The following CARD8 variants were observed in gnomAD, a reference collection of about 807,000 sequenced individuals.
The protein encoded by CARD8 is caspase recruitment domain-containing protein 8.
Under a neutral mutation model 53.2 loss-of-function variants are expected in CARD8, and 38 were observed. The ratio of observed to expected loss-of-function variants is 0.71; its 90% CI spans 0.55 to 0.94. The LOEUF is 0.94. Among genes scored for constraint, CARD8 ranks in the 40% least tolerant of loss-of-function variants. CARD8 has a pLI of 0.00. For synonymous variants in CARD8, 245 were observed against 244.9 expected, an observed-to-expected ratio of 1.00 and a Z score of 0.00; for missense variants, 561 against 655.5, an observed-to-expected ratio of 0.86 and a Z score of 1.57.
chr19:48,215,382 C>G lies in CARD8; in HGVS notation c.1306G>C (p.Asp436His), dbSNP rs767149939. Residue 436 changes from aspartate to histidine, a missense_variant and splice_region_variant, in exon 13 of 14, where the codon GAT becomes CAT. Transcript: ENST00000651546. ...GCTGATGCAGCTACAAGCTGGAGAT[C>G]CACTACAAAAGAGGGAAAAATTATA... ...LVWDTEVKPV[D>H]LQLVAASAPP... The G allele has an allele frequency of 6.2e-7, 1 of 1,608,668 alleles. No homozygotes were observed. Among genetic ancestry groups the G allele is most frequent in the Admixed American group, 1.7e-5 (1 of 59,986 alleles).
downstream of CARD8, chr19:48,203,766 C>T (rs7247398): frequency 0.029 from 4,954 of 168,376 alleles, 264 homozygotes; most frequent in African/African-American, 0.11. Flanking sequence ...CAGAACTAGC[C>T]CTTCCCGATG....
In CARD8 at chr19:48,210,743, GA is replaced by G. The variant is rs777864164; in HGVS notation, c.*966del. ...ATCTTCCAGTTAAAAGAGACTATCAGAATGGGTTCAAAATACACCATAAAAA... is the reference window on the plus strand; with the variant it reads ...ATCTTCCAGTTAAAAGAGACTATCAGATGGGTTCAAAATACACCATAAAAA... On this transcript the variant is annotated 3_prime_UTR_variant, in exon 14 of 14. Coordinates refer to ENST00000651546, the MANE Select transcript of CARD8 (RefSeq NM_001184900.3). 2.6e-5 allele frequency: 4 copies of G among 152,114 alleles called. No homozygotes were observed. Among genetic ancestry groups the G allele is most frequent in the Non-Finnish European group, 4.4e-5 (3 of 68,008 alleles). The allele number at this position is 152,114 out of a possible 1,614,324, so 9.4% of individuals were successfully genotyped here.
rs1599997347 is a variant in CARD8 at position 48,209,609 on chromosome 19, G to C, written c.*2101C>G. ...TAAAAGTCTAACATTTCCACAATAA[G>C]AGTCTCAGAAGAGGAGGAAAAAAAC... On this transcript the variant is annotated 3_prime_UTR_variant, in exon 14 of 14. Coordinates refer to ENST00000651546, the MANE Select transcript of CARD8 (RefSeq NM_001184900.3). The C allele has an allele frequency of 6.6e-6, 1 of 152,140 alleles. No individual in the cohort carries two copies. Among genetic ancestry groups the C allele is most frequent in the East Asian group, 1.9e-4 (1 of 5,200 alleles). The allele number at this position is 152,140 out of a possible 1,614,324, so 9.4% of individuals were successfully genotyped here.
At chr19:48,232,541 A>G in intron 6 of CARD8, 48 bp from the exon 7 acceptor site, 1 of 1,449,260 alleles carries the variant, frequency 6.9e-7, no homozygotes, top group African/African-American at 1.4e-5. Context: ...AACATCAAGA[A>G]TCAGTTGATG....
At chr19:48,222,419 G>A (rs1037442916) in intron 10 of CARD8, among the ~76,000 whole-genome samples, 5 of 152,192 alleles carry the variant, frequency 3.3e-5, no homozygotes, top group South Asian at 2.1e-4. Context: ...AGCCAGGCAC[G>A]GTGGTTCACA....
chr19:48,224,202 C>T (rs757226507), intron 10 of CARD8, among the ~76,000 whole-genome samples: 2 of 152,094 alleles, frequency 1.3e-5, no homozygotes, highest in African/African-American at 4.8e-5. Context: ...CCTCAAGATC[C>T]GCCCACCTCG....
intron 1 of CARD8, among the ~76,000 whole-genome samples, chr19:48,255,173 C>G (rs546087575): frequency 4.6e-5 from 7 of 152,310 alleles, no homozygotes; most frequent in Non-Finnish European, 2.9e-5. Context: ...GGAGACCATC[C>G]TGGCCAACAT....
In CARD8 at chr19:48,227,086, T is replaced by TC. The variant is rs2041930479; in HGVS notation, c.1035+3351dup. On this transcript the variant is annotated intron_variant, in intron 10 of 13. Coordinates refer to ENST00000651546, the MANE Select transcript of CARD8 (RefSeq NM_001184900.3). ...CCTGGTGACACAGCAAGACTCCGTCTCAAAAAAAAAAAAAAAGAAAGAAAA... is the reference window on the plus strand; with the variant it reads ...CCTGGTGACACAGCAAGACTCCGTCTCCAAAAAAAAAAAAAAAGAAAGAAAA... Among the ~76,000 whole-genome samples, 3 of 90,456 alleles carry TC rather than the reference T, an allele frequency of 3.3e-5. No homozygotes were observed. In the East Asian group the frequency reaches 8.2e-4, roughly 25 times the overall value. 59.3% of individuals were successfully genotyped at this position (90,456 alleles called of 152,430 possible).
At chr19:48,229,381 A>T (rs1002851822) in intron 10 of CARD8, among the ~76,000 whole-genome samples, 5 of 152,244 alleles carry the variant, frequency 3.3e-5, no homozygotes, top group African/African-American at 1.2e-4. Context: ...CTCAGAATGA[A>T]AACAGAAGTT....
intron 3 of CARD8, among the ~76,000 whole-genome samples, chr19:48,241,785 G>A (rs968213606): frequency 2.6e-5 from 4 of 151,990 alleles, no homozygotes; most frequent in Non-Finnish European, 5.9e-5. Context: ...TACCTTCACC[G>A]GCTCTGCTAT....
chr19:48,208,437 G>A lies in CARD8; in HGVS notation c.*3273C>T, dbSNP rs1487602205. 1 of 152,178 alleles carries A rather than the reference G, an allele frequency of 6.6e-6. No individual in the cohort carries two copies. Among genetic ancestry groups the A allele is most frequent in the African/African-American group, 2.4e-5 (1 of 41,442 alleles). 9.4% of individuals were successfully genotyped at this position (152,178 alleles called of 1,614,324 possible). A position where few individuals can be genotyped will look rare whatever the true frequency, so the allele number is the denominator to read the frequency against. On this transcript the variant is annotated 3_prime_UTR_variant, in exon 14 of 14. Coordinates refer to ENST00000651546, the MANE Select transcript of CARD8 (RefSeq NM_001184900.3). Reference sequence around the variant, plus strand: ...ACTGCAAAGACTTTTAAAATGAGCTGATATTAAGACCTCAGTTCACAGAAA... The same window carrying A: ...ACTGCAAAGACTTTTAAAATGAGCTAATATTAAGACCTCAGTTCACAGAAA...
At chr19:48,243,683 A>G (rs1027603920) in intron 3 of CARD8, among the ~76,000 whole-genome samples, 1 of 152,064 alleles carries the variant, frequency 6.6e-6, no homozygotes, top group African/African-American at 2.4e-5. Context: ...GTACCATTAT[A>G]TATTTAATTT....
At chr19:48,245,201 T>A (rs1243933674) in intron 3 of CARD8, among the ~76,000 whole-genome samples, 1 of 152,086 alleles carries the variant, frequency 6.6e-6, no homozygotes, top group Non-Finnish European at 1.5e-5. Context: ...AACCAGTAAG[T>A]TAGAGAAAGA....
chr19:48,247,754 T>TTG (rs201388768), intron 3 of CARD8, among the ~76,000 whole-genome samples: 6 of 108,512 alleles, frequency 5.5e-5, no homozygotes, highest in African/African-American at 8.7e-5. Flanking sequence ...CACTATGTTA[T>TTG]TGTATATATA....
rs1052248843 is a variant in CARD8 at position 48,209,780 on chromosome 19, A to G, written c.*1930T>C. ...TTCTCAAGACTGTTGATTTCAAACT[A>G]GGTTTAGAGTAGCAAAGCATATGAA... On this transcript the variant is annotated 3_prime_UTR_variant, in exon 14 of 14. Coordinates refer to ENST00000651546, the MANE Select transcript of CARD8 (RefSeq NM_001184900.3). 1 of 152,310 alleles carries G rather than the reference A, an allele frequency of 6.6e-6. No homozygotes were observed. The highest frequency in any genetic ancestry group is 2.4e-5 in the African/African-American group (1 of 41,448). 9.4% of individuals were successfully genotyped at this position (152,310 alleles called of 1,614,324 possible).
chr19:48,208,636 T>C lies in CARD8; in HGVS notation c.*3074A>G, dbSNP rs1250743809. The C allele has an allele frequency of 2.0e-5, 3 of 151,814 alleles. No individual in the cohort carries two copies. The highest frequency in any genetic ancestry group is 4.8e-5 in the African/African-American group (2 of 41,336). The allele number at this position is 151,814 out of a possible 1,614,324, so 9.4% of individuals were successfully genotyped here. A position where few individuals can be genotyped will look rare whatever the true frequency, so the allele number is the denominator to read the frequency against. Reference sequence around the variant, plus strand: ...AGTGGACACCAAACACTGAATAACATGTACAGTGAAATTATCTGACAAAGA... The same window carrying C: ...AGTGGACACCAAACACTGAATAACACGTACAGTGAAATTATCTGACAAAGA... On this transcript the variant is annotated 3_prime_UTR_variant, in exon 14 of 14. Coordinates refer to ENST00000651546, the MANE Select transcript of CARD8 (RefSeq NM_001184900.3).
At chr19:48,220,537 T>C (rs1486951901) in intron 11 of CARD8, among the ~76,000 whole-genome samples, 1 of 152,184 alleles carries the variant, frequency 6.6e-6, no homozygotes, top group African/African-American at 2.4e-5. Flanking sequence ...AATTAAATCT[T>C]GATACTTTGT....
At chr19:48,245,820 C>A (rs1010110774) in intron 3 of CARD8, among the ~76,000 whole-genome samples, 22 of 147,694 alleles carry the variant, frequency 1.5e-4, no homozygotes, top group Non-Finnish European at 3.1e-4. Context: ...ATTATATATA[C>A]ATTTATTGTA....
At chr19:48,255,446 A>C (rs1410874072) in intron 1 of CARD8, among the ~76,000 whole-genome samples, 4 of 152,222 alleles carry the variant, frequency 2.6e-5, no homozygotes, top group Non-Finnish European at 5.9e-5. Flanking sequence ...TTAAAGTTAT[A>C]CAGTTACAGT....
Sources: gnomAD v4.1 joint callset for allele counts (sites outside exome capture counted in the v4.1 genomes callset) on GRCh38, gnomAD v4.1.1 for gene constraint, MANE v1.5 for transcripts, NCBI Gene and HGNC (gene_info 2026-07-23, HGNC 2026-07-21) for gene names.